HNRNPM: variants seen among roughly 807,000 people sequenced by gnomAD.
HNRNPM encodes CEA receptor.
Under a neutral mutation model 73.1 loss-of-function variants are expected in HNRNPM, and 11 were observed. The ratio of observed to expected loss-of-function variants is 0.15; its 90% CI spans 0.09 to 0.25. The LOEUF (loss-of-function observed/expected upper bound fraction) is 0.25, where lower values mean the gene tolerates loss of function less well. HNRNPM is among the 10% of genes least tolerant of loss of function. The probability of loss-of-function intolerance (pLI) is 1.00; values close to 1 mark genes in which losing one functional copy is unlikely to be tolerated. For missense variants in HNRNPM, 789 were observed against 1,067.9 expected, an observed-to-expected ratio of 0.74 and a Z score of 3.64; for synonymous variants, 407 against 355.2, an observed-to-expected ratio of 1.15 and a Z score of -1.64.
At chr19:8,472,499 C>T (rs1970220165) in intron 10 of HNRNPM, among the ~76,000 whole-genome samples, 1 of 152,164 alleles carries the variant, frequency 6.6e-6, no homozygotes, top group African/African-American at 2.4e-5. Flanking sequence ...TGTCTGACAT[C>T]TAAACAGAAA....
intron 13 of HNRNPM, 30 bp from the exon 14 acceptor site, chr19:8,485,573 A>G (rs1568301967): frequency 1.3e-6 from 2 of 1,581,516 alleles, no homozygotes; most frequent in Non-Finnish European, 1.7e-6. Flanking sequence ...AGTTCTTGAC[A>G]CCCACCTGTG....
At chr19:8,452,034 T>A (rs984903237) in intron 1 of HNRNPM, among the ~76,000 whole-genome samples, 1 of 152,206 alleles carries the variant, frequency 6.6e-6, no homozygotes, top group African/African-American at 2.4e-5. Flanking sequence ...AGAGGTGCTG[T>A]GCCCATTAAG....
At chr19:8,464,544 A>G (rs1376315341) in intron 5 of HNRNPM, among the ~76,000 whole-genome samples, 2 of 152,016 alleles carry the variant, frequency 1.3e-5, no homozygotes, top group African/African-American at 4.8e-5. Context: ...AGGCAGGAGA[A>G]TCGCTGGAAC....
intron 1 of HNRNPM, among the ~76,000 whole-genome samples, chr19:8,445,874 G>C (rs896279413): frequency 6.6e-6 from 1 of 152,226 alleles, no homozygotes; most frequent in African/African-American, 2.4e-5. Flanking sequence ...CCTTTTTCCC[G>C]TGTTTCGGGG....
At chr19:8,479,352 T>C (rs1599837998) in intron 12 of HNRNPM, among the ~76,000 whole-genome samples, 1 of 152,096 alleles carries the variant, frequency 6.6e-6, no homozygotes, top group South Asian at 2.1e-4. Context: ...GTGCTAGGAT[T>C]ACAGGTGTGA....
chr19:8,447,660 G>A (rs1022933159), intron 1 of HNRNPM, among the ~76,000 whole-genome samples: 5 of 152,076 alleles, frequency 3.3e-5, no homozygotes, highest in Non-Finnish European at 7.4e-5. Context: ...TGAGGTGAGA[G>A]GACTATTTGA....
intron 2 of HNRNPM, among the ~76,000 whole-genome samples, chr19:8,459,225 TTA>T (rs1218957725): frequency 6.6e-6 from 1 of 152,202 alleles, no homozygotes; most frequent in Non-Finnish European, 1.5e-5. Flanking sequence ...AGCCTGCATT[TTA>T]GAAAGGCCTG....
In HNRNPM at chr19:8,486,343, G is replaced by A; in HGVS notation, c.1915G>A (p.Gly639Ser). The A allele has an allele frequency of 6.3e-7, 1 of 1,598,638 alleles. No homozygotes were observed. Among genetic ancestry groups the A allele is most frequent in the Non-Finnish European group, 8.5e-7 (1 of 1,179,178 alleles). Reference protein sequence around the residue: ...NFGGSFAGSFGGAGGHAPGVA... With the variant: ...NFGGSFAGSFSGAGGHAPGVA... Reference sequence around the variant, plus strand: ...CGGAGGAAGCTTCGCAGGTTCCTTTGGTGGAGCTGGAGGCCATGCTCCTGG... The same window carrying A: ...CGGAGGAAGCTTCGCAGGTTCCTTTAGTGGAGCTGGAGGCCATGCTCCTGG... The change falls in exon 14 of 16, where the codon GGT becomes AGT. Residue 639 changes from glycine (G) to serine (S), a missense_variant. Transcript: ENST00000325495.
Position 8,445,116 on chromosome 19 carries a change from G to T in HNRNPM, c.113+5G>T. On this transcript the variant is annotated splice_donor_5th_base_variant and intron_variant, in intron 1 of 15. Coordinates refer to ENST00000325495, the MANE Select transcript of HNRNPM (RefSeq NM_005968.5). ...CGGGGCTCCGGGCCCTAAGGGGTGAGTATCCCACGGTCCTTTGCCACGGGT... is the reference window on the plus strand; with the variant it reads ...CGGGGCTCCGGGCCCTAAGGGGTGATTATCCCACGGTCCTTTGCCACGGGT... 1 of 1,400,522 alleles carries T rather than the reference G, an allele frequency of 7.1e-7. No homozygotes were observed. The highest frequency in any genetic ancestry group is 1.6e-5 in the South Asian group (1 of 62,316). The allele number at this position is 1,400,522 out of a possible 1,614,324, so 86.8% of individuals were successfully genotyped here.
Position 8,465,360 on chromosome 19 carries a change from A to G in HNRNPM, c.475A>G (p.Lys159Glu). The change falls in exon 6 of 16, where the codon AAG becomes GAG. Residue 159 changes from lysine (K) to glutamate (E), a missense_variant. By Grantham distance (56) the Lys-to-Glu change is moderately conservative. Around this residue, in one of 4 missense-constraint regions of HNRNPM, gnomAD observed 63 missense variants for 147.4 expected, o/e 0.43. Transcript: ENST00000325495. ...DGEHARRAMQ[K>E]VMATTGGMGM... The stretch of plus-strand genomic sequence containing the variant: ...TGAACATGCCAGGAGAGCAATGCAA[A>G]AGGTGATGGCTACGACTGGTGGGAT... The G allele has an allele frequency of 6.2e-7, 1 of 1,611,996 alleles. No homozygotes were observed. The highest frequency in any genetic ancestry group is 8.5e-7 in the Non-Finnish European group (1 of 1,179,356).
Position 8,488,987 on chromosome 19 carries a change from CT to C in HNRNPM, c.*139del. On this transcript the variant is annotated 3_prime_UTR_variant, in exon 16 of 16. Coordinates refer to ENST00000325495, the MANE Select transcript of HNRNPM (RefSeq NM_005968.5). ...TTGCTTTTTGGGGTAATTTGAATTA[CT>C]TTTTTAATGACTGGGGTTCCATTTG... 2.5e-6 allele frequency: 2 copies of C among 810,234 alleles called. No homozygotes were observed. Among genetic ancestry groups the C allele is most frequent in the South Asian group, 2.1e-5 (1 of 48,384 alleles). The allele number at this position is 810,234 out of a possible 1,614,324, so 50.2% of individuals were successfully genotyped here.
intron 12 of HNRNPM, among the ~76,000 whole-genome samples, chr19:8,476,764 C>A (rs1247348683): frequency 6.6e-6 from 1 of 152,148 alleles, no homozygotes; most frequent in Non-Finnish European, 1.5e-5. Context: ...GCATGCTTGT[C>A]TGGAGTGGGG....
intron 2 of HNRNPM, among the ~76,000 whole-genome samples, chr19:8,456,577 T>G (rs1298736893): frequency 6.6e-6 from 1 of 152,232 alleles, no homozygotes. Context: ...TGAGCTTGAT[T>G]TGTCAAATGA....
At chr19:8,476,204 G>C (rs1970494814) in intron 12 of HNRNPM, among the ~76,000 whole-genome samples, 1 of 152,096 alleles carries the variant, frequency 6.6e-6, no homozygotes, top group Non-Finnish European at 1.5e-5. Context: ...ACGGCACTCG[G>C]AGTGCTCCCC....
rs1971166661 is a variant in HNRNPM, at chr19:8,484,928, C to A, written c.1175-675C>A. On this transcript the variant is annotated intron_variant, in intron 13 of 15. Coordinates refer to ENST00000325495, the MANE Select transcript of HNRNPM (RefSeq NM_005968.5). ...ACCAGAGCCCACTCTGCAGTGCCATCAACATCTTCTTTCCAAAGCCAGCAA... is the reference window on the plus strand; with the variant it reads ...ACCAGAGCCCACTCTGCAGTGCCATAAACATCTTCTTTCCAAAGCCAGCAA... Among the ~76,000 whole-genome samples, 2 of 152,104 alleles carry A rather than the reference C, an allele frequency of 1.3e-5. 1 individual carries two copies. Among genetic ancestry groups the A allele is most frequent in the South Asian group, 4.1e-4 (2 of 4,826 alleles).
intron 1 of HNRNPM, among the ~76,000 whole-genome samples, chr19:8,450,864 G>C (rs892307508): frequency 1.3e-5 from 2 of 149,822 alleles, no homozygotes; most frequent in Non-Finnish European, 3.0e-5. Flanking sequence ...CGAGTAGCTA[G>C]GATTACAGGC....
At chr19:8,455,688 TC>T in intron 2 of HNRNPM, 114 bp downstream of exon 2, 1 of 755,016 alleles carries the variant, frequency 1.3e-6, no homozygotes, top group Non-Finnish European at 2.2e-6. Context: ...GCATGTTCTT[TC>T]CAGGCTTAAG....
chr19:8,466,140 T>C (rs1969727401), intron 6 of HNRNPM, 95 bp from the exon 7 acceptor site: 1 of 1,253,256 alleles, frequency 8.0e-7, no homozygotes, highest in South Asian at 1.4e-5. Flanking sequence ...CCTAATACTT[T>C]TTTCCAACCA....
At chr19:8,453,307 A>C (rs1224926941) in intron 1 of HNRNPM, among the ~76,000 whole-genome samples, 2 of 151,772 alleles carry the variant, frequency 1.3e-5, no homozygotes, top group Non-Finnish European at 2.9e-5. Context: ...CGCCCAGCTA[A>C]TTTTTGTATT....
Sources: gnomAD v4.1 joint callset for allele counts (sites outside exome capture counted in the v4.1 genomes callset) on GRCh38, gnomAD v4.1.1 for gene constraint, gnomAD v4.1.1 regional missense constraint, MANE v1.5 for transcripts, NCBI Gene and HGNC (gene_info 2026-07-23, HGNC 2026-07-21) for gene names.